The following DPYSL5 variants were observed in gnomAD, a reference collection of about 807,000 sequenced individuals.
DPYSL5 encodes dihydropyrimidinase-related protein 5.
Under a neutral mutation model 58.4 loss-of-function variants are expected in DPYSL5, and 9 were observed. The ratio of observed to expected loss-of-function variants is 0.15; its 90% CI spans 0.09 to 0.27. The LOEUF (loss-of-function observed/expected upper bound fraction) is 0.27. Ranked by LOEUF, DPYSL5 falls within the 10% of genes least tolerant of loss-of-function variation. The pLI, the probability that DPYSL5 is intolerant of heterozygous loss-of-function variation, is 1.00. For synonymous variants in DPYSL5, 293 were observed against 301.9 expected, an observed-to-expected ratio of 0.97 and a Z score of 0.31; for missense variants, 499 against 770.6, an observed-to-expected ratio of 0.65 and a Z score of 4.17.
chr2:26,874,823 A>G (rs1439861078), intron 1 of DPYSL5, among the ~76,000 whole-genome samples: 1 of 152,196 alleles, frequency 6.6e-6, no homozygotes. Context: ...TCTAGGTCGT[A>G]CATATTTTAT....
chr2:26,903,476 G>A (rs577289480), intron 2 of DPYSL5, among the ~76,000 whole-genome samples: 7 of 152,152 alleles, frequency 4.6e-5, no homozygotes, highest in Admixed American at 2.0e-4. Context: ...GGGAATTTTT[G>A]AAAGATCCAG....
At chr2:26,920,188 T>A (rs2384508) in intron 2 of DPYSL5, among the ~76,000 whole-genome samples, 85,795 of 141,538 alleles carry the variant, frequency 0.61, 24,795 homozygotes, top group South Asian at 0.72. Flanking sequence ...TCTTTTTTTT[T>A]AAAAAAAAGC....
At chr2:26,878,139 T>A (rs1361077957) in intron 1 of DPYSL5, among the ~76,000 whole-genome samples, 1 of 152,248 alleles carries the variant, frequency 6.6e-6, no homozygotes, top group Non-Finnish European at 1.5e-5. Flanking sequence ...TAACAACATA[T>A]AAGAATGCGT....
intron 1 of DPYSL5, among the ~76,000 whole-genome samples, chr2:26,869,899 T>G (rs1473109054): frequency 6.6e-6 from 1 of 152,080 alleles, no homozygotes; most frequent in Non-Finnish European, 1.5e-5. Flanking sequence ...TAGTCCCAGC[T>G]ACTTGGGAGG....
At chr2:26,932,458 T>C (rs1665058695) in intron 6 of DPYSL5, among the ~76,000 whole-genome samples, 1 of 152,208 alleles carries the variant, frequency 6.6e-6, no homozygotes, top group South Asian at 2.1e-4. Context: ...ATCCTCCTAA[T>C]GTGATAAGCA....
At position 26,925,416 on chromosome 2, in the gene DPYSL5, T is replaced by G. The variant is rs1558347701; in HGVS notation, c.420+371T>G. ...CAGGGCTCAGGTGCAGAGGGTCATA[T>G]CCCATATCCTATGTGTACTGAGAGT... On this transcript the variant is annotated intron_variant, in intron 3 of 12. Coordinates refer to ENST00000288699, the MANE Select transcript of DPYSL5 (RefSeq NM_020134.4). This position sits in a 1 kb window ranked among gnomAD's most constrained non-coding sequence, Gnocchi z 4.5. Among the ~76,000 whole-genome samples the G allele has an allele frequency of 6.6e-6, 1 of 152,120 alleles. No homozygotes were observed. The highest frequency in any genetic ancestry group is 1.5e-5 in the Non-Finnish European group (1 of 68,006).
At chr2:26,858,811 C>A (rs1665943141) in intron 1 of DPYSL5, among the ~76,000 whole-genome samples, 4 of 150,742 alleles carry the variant, frequency 2.7e-5, no homozygotes, top group African/African-American at 9.8e-5. Context: ...TGGTCTCAAG[C>A]AATCCCCCCG....
At position 26,898,196 on chromosome 2, in the gene DPYSL5, G is replaced by T. The variant is rs1664063738; in HGVS notation, c.-4-300G>T. 6.6e-6 allele frequency among the ~76,000 whole-genome samples: 1 copy of T among 151,986 alleles called. No individual in the cohort carries two copies. The highest frequency in any genetic ancestry group is 2.1e-4 in the South Asian group (1 of 4,814). ...GAGATATGAGAAATGAGATATGAGA[G>T]ATAGAAAATGAGATAGTAGATGTGA... On this transcript the variant is annotated intron_variant, in intron 1 of 12. Transcript: ENST00000288699. The surrounding 1 kb of genome is among the most constrained non-coding windows in gnomAD (Gnocchi z 6.1).
rs67138052 is a variant in DPYSL5 at position 26,948,073 on chromosome 2, CCACACACA to C, written c.*1108_*1115del. The C allele has an allele frequency of 1.5e-3, 209 of 143,664 alleles. 1 individual carries two copies. Among genetic ancestry groups the C allele is most frequent in the South Asian group, 3.6e-3 (16 of 4,400 alleles). 8.9% of individuals were successfully genotyped at this position (143,664 alleles called of 1,614,324 possible). ...TGCCTTCCCCTGTCTTCACCTGCCA[CCACACACA>C]CACACACACACACACACACACACAC... On this transcript the variant is annotated 3_prime_UTR_variant, in exon 13 of 13. Coordinates refer to ENST00000288699, the MANE Select transcript of DPYSL5 (RefSeq NM_020134.4).
At chr2:26,896,438 T>G (rs1664022211) in intron 1 of DPYSL5, among the ~76,000 whole-genome samples, 1 of 152,210 alleles carries the variant, frequency 6.6e-6, no homozygotes, top group Non-Finnish European at 1.5e-5. Context: ...TAGTTCTATT[T>G]TTAAGTTTTT....
Position 26,849,519 on chromosome 2 carries a change from A to C in DPYSL5, c.-5+1265A>C, listed in dbSNP as rs1399553284. ...TGGCTTGGTGAGGAGCTTTGTCTCC[A>C]GGCTTGAAACCAGCCGGTAGCGACT... On this transcript the variant is annotated intron_variant, in intron 1 of 12. Transcript: ENST00000288699. This position sits in a 1 kb window ranked among gnomAD's most constrained non-coding sequence, Gnocchi z 6.2. 6.6e-6 allele frequency among the ~76,000 whole-genome samples: 1 copy of C among 152,104 alleles called. No individual in the cohort carries two copies. Among genetic ancestry groups the C allele is most frequent in the Non-Finnish European group, 1.5e-5 (1 of 68,010 alleles).
At position 26,899,780 on chromosome 2, in the gene DPYSL5, C is replaced by T. The variant is rs144615697; in HGVS notation, c.261+1020C>T. ...CCGACTGTGCCAAGGCAAGGATGCT[C>T]CCTGGCTTAACCCTCTGGCATCAGG... is the stretch of plus-strand genomic sequence containing the variant. On this transcript the variant is annotated intron_variant, in intron 2 of 12. Transcript: ENST00000288699. 2.1e-3 allele frequency among the ~76,000 whole-genome samples: 323 copies of T among 152,286 alleles called. 1 individual carries two copies. Among genetic ancestry groups the T allele is most frequent in the African/African-American group, 7.5e-3 (313 of 41,550 alleles).
chr2:26,872,476 G>A (rs1170949737), intron 1 of DPYSL5, among the ~76,000 whole-genome samples: 5 of 152,170 alleles, frequency 3.3e-5, no homozygotes, highest in Admixed American at 2.6e-4. Context: ...CGGATCACGA[G>A]GGCAGGAGTT....
At chr2:26,921,326 C>CCCG (rs1388895793) in intron 2 of DPYSL5, among the ~76,000 whole-genome samples, 2 of 152,170 alleles carry the variant, frequency 1.3e-5, no homozygotes, top group African/African-American at 4.8e-5. Flanking sequence ...ATGGTGAAAC[C>CCCG]CCGTCTCTAG....
chr2:26,883,753 C>T (rs1395500552), intron 1 of DPYSL5, among the ~76,000 whole-genome samples: 2 of 152,174 alleles, frequency 1.3e-5, no homozygotes, highest in Non-Finnish European at 2.9e-5. Context: ...TTGCAAGATG[C>T]TGTATATGGC....
At chr2:26,936,962 G>A (rs74352295) in intron 8 of DPYSL5, among the ~76,000 whole-genome samples, 242 of 32,128 alleles carry the variant, frequency 7.5e-3, no homozygotes, top group East Asian at 9.8e-3. Flanking sequence ...AAAAAAAAAA[G>A]CTTGTTTTGA....
At chr2:26,919,016 C>T (rs571360444) in intron 2 of DPYSL5, among the ~76,000 whole-genome samples, 7 of 152,252 alleles carry the variant, frequency 4.6e-5, no homozygotes, top group East Asian at 1.9e-4. Context: ...CATATTGGAG[C>T]GGCAGGGCAG....
rs776727922 is a variant in DPYSL5, at chr2:26,934,318, C to T, written c.791-260C>T. ...ACACACCAGTGCTCTGGTCATCTGG[C>T]CAAACCAGACTCCTCAAAGTGCCGC... On this transcript the variant is annotated intron_variant, in intron 7 of 12. Coordinates refer to ENST00000288699, the MANE Select transcript of DPYSL5 (RefSeq NM_020134.4). The surrounding 1 kb of genome is among the most constrained non-coding windows in gnomAD (Gnocchi z 4.3). Among the ~76,000 whole-genome samples the T allele has an allele frequency of 1.6e-4, 24 of 152,304 alleles. No homozygotes were observed. The highest frequency in any genetic ancestry group is 1.5e-3 in the East Asian group (8 of 5,184).
At chr2:26,914,357 C>T (rs577500428) in intron 2 of DPYSL5, among the ~76,000 whole-genome samples, 27 of 152,360 alleles carry the variant, frequency 1.8e-4, no homozygotes, top group Admixed American at 7.2e-4. Flanking sequence ...AAGGGAGCGC[C>T]CCCTTGCTGC....
Sources: allele counts gnomAD v4.1 joint callset (sites outside exome capture counted in the v4.1 genomes callset), GRCh38; gene constraint gnomAD v4.1.1; non-coding constraint Gnocchi (gnomAD v3.1); transcripts MANE v1.5; gene names NCBI Gene and HGNC (gene_info 2026-07-23, HGNC 2026-07-21).